The following ERBB4 variants were observed in gnomAD, a reference collection of about 807,000 sequenced individuals.
ERBB4 encodes receptor tyrosine-protein kinase erbB-4.
Under a neutral mutation model 158.0 loss-of-function variants are expected in ERBB4, and 42 were observed. The observed-to-expected ratio is 0.27, with a 90% CI of 0.21 to 0.34. The LOEUF (loss-of-function observed/expected upper bound fraction) is 0.34. Among genes scored for constraint, ERBB4 ranks in the 10% least tolerant of loss-of-function variants. ERBB4 has a pLI of 1.00. For missense variants in ERBB4, 1,333 were observed against 1,624.1 expected (o/e 0.82, Z 3.08); for synonymous variants, 583 against 558.7 (o/e 1.04, Z -0.61).
intron 20 of ERBB4, among the ~76,000 whole-genome samples, chr2:211,503,348 T>C (rs373189666): frequency 5.9e-5 from 9 of 152,188 alleles, no homozygotes; most frequent in East Asian, 1.9e-4. Flanking sequence ...CACATTCACA[T>C]GCCCAAGATG....
intron 3 of ERBB4, among the ~76,000 whole-genome samples, chr2:211,864,106 C>G (rs1259515750): frequency 1.3e-5 from 2 of 152,198 alleles, no homozygotes; most frequent in Admixed American, 6.5e-5. Context: ...TCTCATCACC[C>G]AGTCTTGAAA....
At chr2:212,387,200 G>A (rs1030506277) in intron 1 of ERBB4, among the ~76,000 whole-genome samples, 1 of 152,020 alleles carries the variant, frequency 6.6e-6, no homozygotes, top group Non-Finnish European at 1.5e-5. Flanking sequence ...TTGGTGTATG[G>A]AACATGATAA....
chr2:211,852,702 CT>C (rs11435561), intron 3 of ERBB4, among the ~76,000 whole-genome samples: 9 of 145,326 alleles, frequency 6.2e-5, no homozygotes, highest in African/African-American at 1.5e-4. Flanking sequence ...ATACACAAAA[CT>C]TTTTTTTTTC....
At position 212,144,628 on chromosome 2, in the gene ERBB4, T is replaced by G. The variant is rs909971902; in HGVS notation, c.83-19725A>C. ...CTAAAATTTATATGCAAGGATTTAT[T>G]ATGTTTCTATTTGCAAAGTTGTTTT... On this transcript the variant is annotated intron_variant, in intron 1 of 27. Transcript: ENST00000342788. Among the ~76,000 whole-genome samples, 7 of 152,230 alleles carry G rather than the reference T, an allele frequency of 4.6e-5. 1 individual carries two copies. The highest frequency in any genetic ancestry group is 1.7e-4 in the African/African-American group (7 of 41,462).
At chr2:212,317,662 C>G (rs908603755) in intron 1 of ERBB4, among the ~76,000 whole-genome samples, 1 of 151,534 alleles carries the variant, frequency 6.6e-6, no homozygotes, top group African/African-American at 2.4e-5. Context: ...AAGAGAACTT[C>G]AGGAAGGTAT....
intron 1 of ERBB4, among the ~76,000 whole-genome samples, chr2:212,335,684 G>A (rs189938967): frequency 1.3e-5 from 2 of 152,012 alleles, no homozygotes; most frequent in South Asian, 2.1e-4. Context: ...CTTTGGGTTC[G>A]GATTAGTCAT....
chr2:212,015,780 G>A (rs1032297585), intron 2 of ERBB4, among the ~76,000 whole-genome samples: 1 of 152,012 alleles, frequency 6.6e-6, no homozygotes, highest in African/African-American at 2.4e-5. Flanking sequence ...TTTTCAACAG[G>A]AGGATGACCC....
intron 3 of ERBB4, among the ~76,000 whole-genome samples, chr2:211,835,371 T>A (rs1232052343): frequency 1.1e-5 from 1 of 94,792 alleles, no homozygotes; most frequent in African/African-American, 3.8e-5. Flanking sequence ...CCACAAGGAC[T>A]CTCTACATAA....
chr2:212,289,283 C>A (rs2086118113), intron 1 of ERBB4, among the ~76,000 whole-genome samples: 1 of 152,058 alleles, frequency 6.6e-6, no homozygotes, highest in South Asian at 2.1e-4. Flanking sequence ...AGTCTGGTAA[C>A]TGGTATTCTT....
At chr2:212,153,571 A>G (rs1402519331) in intron 1 of ERBB4, among the ~76,000 whole-genome samples, 1 of 152,196 alleles carries the variant, frequency 6.6e-6, no homozygotes, top group African/African-American at 2.4e-5. Flanking sequence ...TATAGCCAAC[A>G]CCGCATATTG....
intron 25 of ERBB4, among the ~76,000 whole-genome samples, chr2:211,391,902 T>G (rs547105501): frequency 6.6e-6 from 1 of 152,314 alleles, no homozygotes; most frequent in Non-Finnish European, 1.5e-5. Context: ...ATGCCTAGCT[T>G]CTATCTAAAT....
intron 3 of ERBB4, among the ~76,000 whole-genome samples, chr2:211,925,003 A>G (rs1318223619): frequency 3.9e-5 from 6 of 152,190 alleles, no homozygotes. Context: ...GTTAAAGAAG[A>G]TTGATAAGTA....
chr2:212,508,500 G>A (rs1281637166), intron 1 of ERBB4, among the ~76,000 whole-genome samples: 1 of 151,926 alleles, frequency 6.6e-6, no homozygotes, highest in Non-Finnish European at 1.5e-5. Flanking sequence ...TGATTTTTCA[G>A]ACACATGTCT....
At chr2:211,924,266 G>T (rs887294454) in intron 3 of ERBB4, among the ~76,000 whole-genome samples, 1 of 152,144 alleles carries the variant, frequency 6.6e-6, no homozygotes, top group Non-Finnish European at 1.5e-5. Context: ...CCAGGGGTTG[G>T]CATGATAACA....
chr2:212,451,781 T>C (rs568644082), intron 1 of ERBB4, among the ~76,000 whole-genome samples: 2 of 152,300 alleles, frequency 1.3e-5, no homozygotes, highest in Admixed American at 6.5e-5. Context: ...ACATCAACCA[T>C]GTAGTAAAAT....
intron 1 of ERBB4, among the ~76,000 whole-genome samples, chr2:212,362,594 C>G (rs1339819329): frequency 6.6e-6 from 1 of 150,670 alleles, no homozygotes. Flanking sequence ...CCAAAGAATG[C>G]TATTTCTCAG....
intron 1 of ERBB4, among the ~76,000 whole-genome samples, chr2:212,399,702 T>G (rs1353315053): frequency 1.7e-5 from 1 of 59,190 alleles, no homozygotes; most frequent in Non-Finnish European, 3.2e-5. Flanking sequence ...CCGTCTCTAC[T>G]AAAAATACAA....
At chr2:211,999,239 AT>A in intron 2 of ERBB4, among the ~76,000 whole-genome samples, 1 of 151,974 alleles carries the variant, frequency 6.6e-6, no homozygotes, top group Non-Finnish European at 1.5e-5. Flanking sequence ...ACATGGCAGA[AT>A]ATATTAGTAA....
At chr2:212,214,905 T>C (rs1184266961) in intron 1 of ERBB4, among the ~76,000 whole-genome samples, 1 of 151,656 alleles carries the variant, frequency 6.6e-6, no homozygotes, top group Non-Finnish European at 1.5e-5. Flanking sequence ...TTCATACAAA[T>C]GATACGACAC....
Sources: gnomAD v4.1 joint callset for allele counts (sites outside exome capture counted in the v4.1 genomes callset) on GRCh38, gnomAD v4.1.1 for gene constraint, MANE v1.5 for transcripts, NCBI Gene and HGNC (gene_info 2026-07-23, HGNC 2026-07-21) for gene names.